ABCB4: variants seen among roughly 807,000 people sequenced by gnomAD.
ABCB4 encodes phosphatidylcholine translocator ABCB4.
Under a neutral mutation model 145.7 loss-of-function variants are expected in ABCB4, and 76 were observed. The observed-to-expected ratio is 0.52, with a 90% CI of 0.43 to 0.63. The LOEUF (loss-of-function observed/expected upper bound fraction) is 0.63. Ranked by LOEUF, ABCB4 falls within the 30% of genes least tolerant of loss-of-function variation. ABCB4 has a pLI of 0.00. For synonymous variants in ABCB4, 517 were observed against 566.8 expected (o/e 0.91, Z 1.25); for missense variants, 1,234 against 1,553.1 (o/e 0.79, Z 3.45).
At chr7:87,430,032 C>G (rs183505164) in intron 15 of ABCB4, among the ~76,000 whole-genome samples, 20 of 151,582 alleles carry the variant, frequency 1.3e-4, no homozygotes, top group African/African-American at 4.6e-4. Flanking sequence ...GTTTATTTTT[C>G]TAAACTTATA....
At chr7:87,392,576 G>A in the ABCB4 span, 72 of 1,612,888 alleles carry the variant, frequency 4.5e-5, no homozygotes, top group African/African-American at 3.1e-4. Context: ...CTTCGTGAGC[G>A]GCAGCAAAAG....
chr7:87,378,907 C>A, the ABCB4 span, among the ~76,000 whole-genome samples: 1 of 152,276 alleles, frequency 6.6e-6, no homozygotes, highest in South Asian at 2.1e-4. Flanking sequence ...AAGTAAATGT[C>A]TATTGGAGTA....
intron 21 of ABCB4, among the ~76,000 whole-genome samples, chr7:87,416,413 G>A (rs1357241083): frequency 6.6e-6 from 1 of 152,078 alleles, no homozygotes. Flanking sequence ...CTTGTAAAAG[G>A]GCTTTGTAAA....
chr7:87,475,639 A>C lies in ABCB4; in HGVS notation c.-12T>G. ...CGCGCCCGGACCTCTCTCACCTCGA[A>C]CCTCGCGCGTGTCTGGCAGGGCCTC... On this transcript the variant is annotated 5_prime_UTR_variant, in exon 1 of 28. Coordinates refer to ENST00000649586, the MANE Select transcript of ABCB4 (RefSeq NM_000443.4). 3.0e-6 allele frequency: 2 copies of C among 674,242 alleles called. No individual in the cohort carries two copies. The highest frequency in any genetic ancestry group is 5.5e-5 in the East Asian group (2 of 36,508). 41.8% of individuals were successfully genotyped at this position (674,242 alleles called of 1,614,324 possible). A position where few individuals can be genotyped will look rare whatever the true frequency, so the allele number is the denominator to read the frequency against.
At chr7:87,411,843 C>G (rs776247303) in intron 23 of ABCB4, 50 bp downstream of exon 23, 1 of 1,579,806 alleles carries the variant, frequency 6.3e-7, no homozygotes, top group South Asian at 1.1e-5. Flanking sequence ...TTGCATAAAC[C>G]TACTAAAACC....
In ABCB4 at chr7:87,439,741, T is replaced by C. The variant is rs1411802910; in HGVS notation, c.1657A>G (p.Ile553Val). 4 of 1,614,020 alleles carry C rather than the reference T, an allele frequency of 2.5e-6. No individual in the cohort carries two copies. Among genetic ancestry groups the C allele is most frequent in the South Asian group, 2.2e-5 (2 of 91,086 alleles). The change falls in exon 14 of 28, where the codon ATC (isoleucine) becomes GTC (valine). Residue 553 changes from isoleucine (I) to valine (V), a missense_variant. Around this residue, in one of 7 missense-constraint regions of ABCB4, gnomAD observed 467 missense variants for 632.8 expected, o/e 0.74. Transcript: ENST00000649586. The stretch of plus-strand genomic sequence containing the variant: ...GACGTGGCCTCATCCAGCAGAAGGA[T>C]CTTGGGGTTGCGAACCAGGGCACGT... ...IARALVRNPK[I>V]LLLDEATSAL...
At chr7:87,397,135 T>C (rs1584655410), downstream of ABCB4, among the ~76,000 whole-genome samples, 3 of 152,070 alleles carry the variant, frequency 2.0e-5, no homozygotes, top group Admixed American at 2.0e-4. Context: ...CTAGATCACT[T>C]GAGGCCAGGA....
the ABCB4 span, among the ~76,000 whole-genome samples, chr7:87,384,550 AT>A: frequency 6.6e-6 from 1 of 152,132 alleles, no homozygotes; most frequent in Non-Finnish European, 1.5e-5. Context: ...AAAAAAGATT[AT>A]TTGTCCATTT....
intron 3 of ABCB4, among the ~76,000 whole-genome samples, chr7:87,468,951 A>G (rs1320102144): frequency 1.4e-5 from 2 of 141,946 alleles, no homozygotes; most frequent in East Asian, 3.9e-4. Flanking sequence ...TAAATAAAAT[A>G]AAATAAAATA....
At chr7:87,376,051 G>A in the ABCB4 span, 2 of 1,199,692 alleles carry the variant, frequency 1.7e-6, no homozygotes, top group Non-Finnish European at 2.3e-6. Context: ...CTACCTTTAG[G>A]CTCTTGAAAC....
chr7:87,378,462 C>T, the ABCB4 span, among the ~76,000 whole-genome samples: 1 of 152,178 alleles, frequency 6.6e-6, no homozygotes, highest in Middle Eastern at 3.4e-3. Context: ...AAGGAGTTAG[C>T]TAAATTTGGG....
chr7:87,431,379 G>GA lies in ABCB4; in HGVS notation c.1893+24dup, dbSNP rs768385682. 23 of 1,613,746 alleles carry GA rather than the reference G, an allele frequency of 1.4e-5. No homozygotes were observed. In the African/African-American group the frequency reaches 2.7e-4, roughly 19 times the overall value. On this transcript the variant is annotated intron_variant, in intron 15 of 27. Coordinates refer to ENST00000649586, the MANE Select transcript of ABCB4 (RefSeq NM_000443.4). ...ACACTATATTGAGGAGCAAATAGCAGAAAAAATTCCTGAAAAGCAAGTACC... is the reference window on the plus strand; with the variant it reads ...ACACTATATTGAGGAGCAAATAGCAGAAAAAAATTCCTGAAAAGCAAGTACC...
At chr7:87,380,669 T>C in the ABCB4 span, among the ~76,000 whole-genome samples, 1,908 of 152,334 alleles carry the variant, frequency 0.013, 39 homozygotes, top group African/African-American at 0.042. Context: ...ATATATTTTC[T>C]ACCTTCTTTG....
At chr7:87,443,231 C>T in intron 12 of ABCB4, 88 bp downstream of exon 12, 2 of 1,557,146 alleles carry the variant, frequency 1.3e-6, no homozygotes, top group East Asian at 2.2e-5. Flanking sequence ...ACTGGATTCA[C>T]ACGCAAATTT....
At chr7:87,450,365 C>G (rs560367048) in intron 7 of ABCB4, among the ~76,000 whole-genome samples, 52 of 152,064 alleles carry the variant, frequency 3.4e-4, no homozygotes, top group Non-Finnish European at 6.8e-4. Flanking sequence ...GGAACACTGT[C>G]AAGTTCCACA....
At chr7:87,446,269 CA>C (rs1811338213) in intron 9 of ABCB4, among the ~76,000 whole-genome samples, 2 of 152,126 alleles carry the variant, frequency 1.3e-5, no homozygotes. Context: ...TAGGGAAGTA[CA>C]GATGTTAAAA....
the ABCB4 span, chr7:87,375,739 CTT>C: frequency 6.2e-7 from 1 of 1,612,530 alleles, no homozygotes; most frequent in African/African-American, 1.3e-5. Context: ...CTGATTTACA[CTT>C]TTCTTAACGA....
chr7:87,425,040 G>GT (rs553858190), intron 16 of ABCB4, among the ~76,000 whole-genome samples: 2,213 of 145,904 alleles, frequency 0.015, 40 homozygotes, highest in African/African-American at 0.049. Flanking sequence ...GTATTTCAGG[G>GT]TTTTTTTTTT....
rs371407236 is a variant in ABCB4 at position 87,431,685 on chromosome 7, C to T, written c.1732-120G>A. ...GATGATTAGAGAGTAGTTTATACTC[C>T]AGATCTCTGCGTGATTATGGCAAAG... On this transcript the variant is annotated intron_variant, in intron 14 of 27. Transcript: ENST00000649586. 1.7e-5 allele frequency: 22 copies of T among 1,305,776 alleles called. No homozygotes were observed. In the African/African-American group the frequency reaches 2.9e-4, roughly 17 times the overall value. The allele number at this position is 1,305,776 out of a possible 1,614,324, so 80.9% of individuals were successfully genotyped here. A position where few individuals can be genotyped will look rare whatever the true frequency, so the allele number is the denominator to read the frequency against.
Sources: allele counts gnomAD v4.1 joint callset (sites outside exome capture counted in the v4.1 genomes callset), GRCh38; gene constraint gnomAD v4.1.1; regional missense constraint gnomAD v4.1.1; transcripts MANE v1.5; gene names NCBI Gene and HGNC (gene_info 2026-07-23, HGNC 2026-07-21).